The following CPQ variants were observed in gnomAD, a reference collection of about 807,000 sequenced individuals.
CPQ encodes the protein carboxypeptidase Q.
CPQ carries 37 observed loss-of-function variants against 45.7 expected under a neutral mutation model. The ratio of observed to expected loss-of-function variants is 0.81; its 90% CI spans 0.62 to 1.07. CPQ has a LOEUF of 1.07. Among genes scored for constraint, CPQ ranks in the 50% least tolerant of loss-of-function variants. The pLI is 0.00. For missense variants in CPQ, 537 were observed against 572.9 expected, an observed-to-expected ratio of 0.94 and a Z score of 0.64; for synonymous variants, 186 against 205.8, an observed-to-expected ratio of 0.90 and a Z score of 0.82.
chr8:97,057,847 T>A (rs1161321479), intron 6 of CPQ, among the ~76,000 whole-genome samples: 1 of 151,940 alleles, frequency 6.6e-6, no homozygotes, highest in Non-Finnish European at 1.5e-5. Flanking sequence ...GCCAACAAAT[T>A]AGGGAGGGGT....
chr8:96,759,374 C>A (rs1162212966), intron 1 of CPQ, among the ~76,000 whole-genome samples: 4 of 152,082 alleles, frequency 2.6e-5, no homozygotes, highest in Non-Finnish European at 4.4e-5. Flanking sequence ...ATGTATGAAG[C>A]ATTAAAACCC....
At chr8:96,783,158 C>T (rs1463970490) in intron 1 of CPQ, among the ~76,000 whole-genome samples, 3 of 152,064 alleles carry the variant, frequency 2.0e-5, no homozygotes, top group South Asian at 2.1e-4. Context: ...CAAATTCTTC[C>T]GGCCTCTCCC....
At chr8:96,959,806 C>G (rs1813422071) in intron 4 of CPQ, among the ~76,000 whole-genome samples, 1 of 147,436 alleles carries the variant, frequency 6.8e-6, no homozygotes, top group African/African-American at 2.5e-5. Flanking sequence ...ACCCCTAAGA[C>G]TTTTCCTGCT....
At chr8:96,823,466 G>A (rs1164410151) in intron 2 of CPQ, among the ~76,000 whole-genome samples, 1 of 151,892 alleles carries the variant, frequency 6.6e-6, no homozygotes, top group Non-Finnish European at 1.5e-5. Context: ...TGATTTGTTT[G>A]CCAGGAAGTT....
intron 5 of CPQ, among the ~76,000 whole-genome samples, chr8:96,979,150 T>G (rs1813841656): frequency 6.8e-6 from 1 of 146,808 alleles, no homozygotes. Context: ...GAGGAGGGGG[T>G]GGGAAACGAG....
intron 7 of CPQ, among the ~76,000 whole-genome samples, chr8:97,088,670 C>T (rs1194978662): frequency 6.6e-6 from 1 of 152,164 alleles, no homozygotes; most frequent in East Asian, 1.9e-4. Context: ...CCACAGGACC[C>T]TCACTCTCTG....
rs774466585 is a variant in CPQ at position 96,792,432 on chromosome 8, A to G, written c.433+7102A>G. Reference sequence around the variant, plus strand: ...GGTTTATGGTCTCTGAGCCCAACACAGCAGGTCATTGAGTATTTATTAATC... The same window carrying G: ...GGTTTATGGTCTCTGAGCCCAACACGGCAGGTCATTGAGTATTTATTAATC... On this transcript the variant is annotated intron_variant, in intron 2 of 7. Coordinates refer to ENST00000220763, the MANE Select transcript of CPQ (RefSeq NM_016134.4). Among the ~76,000 whole-genome samples the G allele has an allele frequency of 2.6e-5, 4 of 152,210 alleles. No homozygotes were observed. The South Asian group carries it at 6.2e-4, about 24-fold the overall frequency.
intron 1 of CPQ, among the ~76,000 whole-genome samples, chr8:96,661,873 C>G (rs1815705679): frequency 6.6e-6 from 1 of 152,124 alleles, no homozygotes; most frequent in African/African-American, 2.4e-5. Flanking sequence ...AACTATTTTC[C>G]AAAGTGGGTG....
intron 7 of CPQ, among the ~76,000 whole-genome samples, chr8:97,098,716 C>T (rs1347504586): frequency 6.6e-6 from 1 of 152,128 alleles, no homozygotes; most frequent in Non-Finnish European, 1.5e-5. Context: ...GGTCATCATA[C>T]ACCTCTGGAG....
rs973642045 is a variant in CPQ, at chr8:96,835,170, T to C, written c.631T>C (p.Ser211Pro). Residue 211 changes from serine (S) to proline (P), a missense_variant, in exon 3 of 8, where the codon TCC (serine) becomes CCC (proline). Transcript: ENST00000220763. ...TCTCATTCGATCCGTGGCCTCCTTC[T>C]CCATCTACAGGTTTGTCACAATGTT... ...ASLIRSVASF[S>P]IYSPHTGIQE... 6.7e-7 allele frequency: 1 copy of C among 1,502,154 alleles called. No homozygotes were observed. Among genetic ancestry groups the C allele is most frequent in the African/African-American group, 1.4e-5 (1 of 71,102 alleles). 93.1% of individuals were successfully genotyped at this position (1,502,154 alleles called of 1,614,324 possible). A position where few individuals can be genotyped will look rare whatever the true frequency, so the allele number is the denominator to read the frequency against.
At chr8:97,040,253 A>C (rs990270682) in intron 6 of CPQ, among the ~76,000 whole-genome samples, 3 of 152,074 alleles carry the variant, frequency 2.0e-5, no homozygotes, top group Non-Finnish European at 4.4e-5. Flanking sequence ...GCATTTTTTC[A>C]TGTGTCTGTT....
At chr8:96,857,261 T>C (rs1223116825) in intron 3 of CPQ, among the ~76,000 whole-genome samples, 8 of 152,142 alleles carry the variant, frequency 5.3e-5, no homozygotes, top group Non-Finnish European at 8.8e-5. Context: ...CCAATAAGCA[T>C]AGAGTGCCAG....
intron 4 of CPQ, among the ~76,000 whole-genome samples, chr8:96,912,187 A>G (rs1387164375): frequency 6.6e-6 from 1 of 152,232 alleles, no homozygotes; most frequent in Non-Finnish European, 1.5e-5. Flanking sequence ...TTATTTTAAC[A>G]TATGAAATGC....
At chr8:96,886,791 G>A (rs143989192) in intron 4 of CPQ, among the ~76,000 whole-genome samples, 36 of 152,268 alleles carry the variant, frequency 2.4e-4, no homozygotes, top group African/African-American at 8.4e-4. Context: ...CAGGATATAG[G>A]CAGTTCCATC....
chr8:96,986,356 T>C (rs940511045), intron 5 of CPQ, among the ~76,000 whole-genome samples: 1 of 152,250 alleles, frequency 6.6e-6, no homozygotes, highest in African/African-American at 2.4e-5. Context: ...TTATTAGTGA[T>C]TCTTCCCAGC....
chr8:96,849,750 CTA>C, intron 3 of CPQ, among the ~76,000 whole-genome samples: 1 of 152,288 alleles, frequency 6.6e-6, no homozygotes. Context: ...CATCACTTCT[CTA>C]TGTTTTACTG....
chr8:96,917,560 C>G (rs901223207), intron 4 of CPQ, among the ~76,000 whole-genome samples: 1 of 152,014 alleles, frequency 6.6e-6, no homozygotes, highest in Non-Finnish European at 1.5e-5. Context: ...TCCAAGGAAC[C>G]CTGGTTCTTT....
At chr8:97,008,823 A>G (rs140727797) in intron 5 of CPQ, among the ~76,000 whole-genome samples, 137 of 152,224 alleles carry the variant, frequency 9.0e-4, no homozygotes, top group African/African-American at 3.1e-3. Context: ...AGTGTTTAGC[A>G]TATTGCCTGG....
chr8:96,774,547 G>A (rs908807633), intron 1 of CPQ, among the ~76,000 whole-genome samples: 2 of 152,072 alleles, frequency 1.3e-5, no homozygotes, highest in Admixed American at 1.3e-4. Context: ...GTGAAGAGGA[G>A]GGAAGTTAGT....
Sources: allele counts gnomAD v4.1 joint callset (sites outside exome capture counted in the v4.1 genomes callset), GRCh38; gene constraint gnomAD v4.1.1; transcripts MANE v1.5; gene names NCBI Gene and HGNC (gene_info 2026-07-23, HGNC 2026-07-21).